NEGR1: variants seen among roughly 807,000 people sequenced by gnomAD.
NEGR1 encodes the protein neuronal growth regulator 1.
NEGR1 carries 10 observed loss-of-function variants against 40.9 expected under a neutral mutation model. That is an observed-to-expected ratio of 0.24 (90% confidence interval 0.15 to 0.42). The LOEUF (loss-of-function observed/expected upper bound fraction) is 0.42, where lower values mean the gene tolerates loss of function less well. NEGR1 is among the 10% of genes least tolerant of loss of function. NEGR1 has a pLI of 1.00. For synonymous variants in NEGR1, 185 were observed against 166.8 expected (o/e 1.11, Z -0.84); for missense variants, 352 against 438.9 (o/e 0.80, Z 1.77).
At chr1:71,924,487 T>G (rs2101885995) in intron 2 of NEGR1, among the ~76,000 whole-genome samples, 1 of 152,298 alleles carries the variant, frequency 6.6e-6, no homozygotes, top group Non-Finnish European at 1.5e-5. Context: ...AGCTGCAAAA[T>G]CTGTCCTTCC....
chr1:71,837,064 T>A (rs1659062167), intron 2 of NEGR1: 1 of 152,126 alleles, frequency 6.6e-6, no homozygotes, highest in African/African-American at 2.4e-5. Context: ...TCTAATGCTG[T>A]TTACCGTCAA....
At chr1:72,196,762 TAA>T (rs540342065) in intron 1 of NEGR1, among the ~76,000 whole-genome samples, 21 of 136,662 alleles carry the variant, frequency 1.5e-4, no homozygotes, top group African/African-American at 1.6e-4. Flanking sequence ...GAGACTCCAT[TAA>T]AAAAAAAAAA....
intron 6 of NEGR1, among the ~76,000 whole-genome samples, chr1:71,450,047 G>T (rs1646614733): frequency 6.7e-6 from 1 of 149,966 alleles, no homozygotes; most frequent in South Asian, 2.1e-4. Flanking sequence ...CTAGAGTGCA[G>T]CGGTCCACTC....
In NEGR1 at chr1:72,052,482, GC is replaced by G. The variant is rs1334178559; in HGVS notation, c.177-117172del. ...CTCATGGACAGAGCTGACAAAAGAA[GC>G]CCTAATTCCACTTCGTATTATTGTC... On this transcript the variant is annotated intron_variant, in intron 1 of 6. Coordinates refer to ENST00000357731, the MANE Select transcript of NEGR1 (RefSeq NM_173808.3). 2.0e-5 allele frequency among the ~76,000 whole-genome samples: 3 copies of G among 151,342 alleles called. No homozygotes were observed. In the Admixed American group the frequency reaches 2.0e-4, roughly 10 times the overall value.
chr1:72,034,316 C>A (rs1016769497), intron 1 of NEGR1, among the ~76,000 whole-genome samples: 1 of 152,146 alleles, frequency 6.6e-6, no homozygotes, highest in Non-Finnish European at 1.5e-5. Flanking sequence ...TTCCATTGTG[C>A]ATGCAGGTGT....
intron 3 of NEGR1, among the ~76,000 whole-genome samples, chr1:71,708,793 A>G (rs555331239): frequency 4.6e-5 from 7 of 152,246 alleles, no homozygotes; most frequent in South Asian, 2.1e-4. Context: ...CTATGCATCC[A>G]TGTGTTCTCA....
intron 6 of NEGR1, among the ~76,000 whole-genome samples, chr1:71,586,128 T>C (rs1056411155): frequency 2.6e-5 from 4 of 152,164 alleles, no homozygotes; most frequent in Admixed American, 6.6e-5. Context: ...ATCTGCTCGA[T>C]TCAAAGCTTT....
At chr1:71,993,159 C>T (rs542609739) in intron 1 of NEGR1, among the ~76,000 whole-genome samples, 31 of 152,306 alleles carry the variant, frequency 2.0e-4, no homozygotes, top group African/African-American at 5.8e-4. Flanking sequence ...AATTCATATT[C>T]TTCTCAATTG....
intron 1 of NEGR1, among the ~76,000 whole-genome samples, chr1:72,017,786 G>C (rs1207913233): frequency 1.3e-5 from 2 of 151,672 alleles, no homozygotes; most frequent in Admixed American, 1.3e-4. Flanking sequence ...AAAAATAACA[G>C]TTTCAGTTAA....
intron 1 of NEGR1, among the ~76,000 whole-genome samples, chr1:72,144,302 T>C (rs1650824738): frequency 6.6e-6 from 1 of 151,778 alleles, no homozygotes; most frequent in Non-Finnish European, 1.5e-5. Context: ...TGGGTATACA[T>C]AAGGGGATAT....
At chr1:72,271,943 C>A (rs1557608122) in intron 1 of NEGR1, among the ~76,000 whole-genome samples, 1 of 151,816 alleles carries the variant, frequency 6.6e-6, no homozygotes. Flanking sequence ...TTGCCTCCTG[C>A]CATGATTCTG....
rs994304072 is a variant in NEGR1, at chr1:71,917,506, G to A, written c.409+17573C>T. Among the ~76,000 whole-genome samples the A allele has an allele frequency of 2.6e-5, 4 of 152,086 alleles. No individual in the cohort carries two copies. The South Asian group carries it at 6.2e-4, about 24-fold the overall frequency. On this transcript the variant is annotated intron_variant, in intron 2 of 6. Coordinates refer to ENST00000357731, the MANE Select transcript of NEGR1 (RefSeq NM_173808.3). ...AACTACATGCAAATGTAAAGAGTAA[G>A]TCGGACGGGTGCGGTGGCTCATGCT...
intron 6 of NEGR1, among the ~76,000 whole-genome samples, chr1:71,561,228 C>T (rs574152296): frequency 2.6e-5 from 4 of 151,716 alleles, no homozygotes; most frequent in African/African-American, 9.6e-5. Flanking sequence ...TTAAAGCAAG[C>T]CCCTAACAAA....
At chr1:72,038,802 C>T (rs17092186) in intron 1 of NEGR1, among the ~76,000 whole-genome samples, 3,471 of 151,994 alleles carry the variant, frequency 0.023, 120 homozygotes, top group African/African-American at 0.079. Context: ...CAGTGCAACA[C>T]TGAGTACAAG....
At chr1:71,430,462 T>C (rs1646458517) in intron 6 of NEGR1, among the ~76,000 whole-genome samples, 1 of 152,116 alleles carries the variant, frequency 6.6e-6, no homozygotes, top group Non-Finnish European at 1.5e-5. Flanking sequence ...TGGTTTTGAT[T>C]TTTTAATGGT....
In NEGR1 at chr1:72,009,143, T is replaced by G. The variant is rs974591979; in HGVS notation, c.177-73832A>C. Among the ~76,000 whole-genome samples, 14 of 152,180 alleles carry G rather than the reference T, an allele frequency of 9.2e-5. No homozygotes were observed. In the East Asian group the frequency reaches 9.7e-4, roughly 11 times the overall value. On this transcript the variant is annotated intron_variant, in intron 1 of 6. Coordinates refer to ENST00000357731, the MANE Select transcript of NEGR1 (RefSeq NM_173808.3). The stretch of plus-strand genomic sequence containing the variant: ...TGGTAATATGGATGAAATAATATAT[T>G]TGTCAAAATATTTTATATGATATCA...
intron 1 of NEGR1, among the ~76,000 whole-genome samples, chr1:71,986,324 T>C (rs923507075): frequency 2.0e-5 from 3 of 152,340 alleles, no homozygotes; most frequent in African/African-American, 7.2e-5. Flanking sequence ...TATGAGACTT[T>C]AAAAGAAACA....
chr1:72,102,953 A>G (rs138772442), intron 1 of NEGR1, among the ~76,000 whole-genome samples: 13 of 152,232 alleles, frequency 8.5e-5, no homozygotes, highest in Admixed American at 1.3e-4. Flanking sequence ...TGATCAAAAC[A>G]AAGTCAATAG....
intron 1 of NEGR1, among the ~76,000 whole-genome samples, chr1:71,982,784 T>C (rs1247095333): frequency 3.3e-5 from 5 of 152,236 alleles, no homozygotes; most frequent in South Asian, 4.1e-4. Context: ...CAAACATTAA[T>C]TTAGGAAGAT....
Sources: gnomAD v4.1 joint callset for allele counts (sites outside exome capture counted in the v4.1 genomes callset) on GRCh38, gnomAD v4.1.1 for gene constraint, MANE v1.5 for transcripts, NCBI Gene and HGNC (gene_info 2026-07-23, HGNC 2026-07-21) for gene names.